Variants in FAT3 observed in about 807,000 individuals in gnomAD.
FAT3 encodes FAT atypical cadherin 3.
In FAT3, 95 loss-of-function variants were observed where a neutral mutation model predicts 310.2. The observed-to-expected ratio is 0.31, with a 90% CI of 0.26 to 0.36. The LOEUF (loss-of-function observed/expected upper bound fraction) is 0.36, where lower values mean the gene tolerates loss of function less well. FAT3 is among the 10% of genes least tolerant of loss of function. The pLI is 1.00. For synonymous variants in FAT3, 2,314 were observed against 2,192.9 expected, an observed-to-expected ratio of 1.06 and a Z score of -1.54; for missense variants, 5,408 against 5,715.6, an observed-to-expected ratio of 0.95 and a Z score of 1.74.
chr11:92,635,099 G>C (rs770159187), intron 3 of FAT3, among the ~76,000 whole-genome samples: 2 of 152,158 alleles, frequency 1.3e-5, no homozygotes, highest in African/African-American at 2.4e-5. Context: ...AGACTATCCA[G>C]TCTGTGGTCT....
At chr11:92,736,500 G>A (rs1412629666) in intron 4 of FAT3, among the ~76,000 whole-genome samples, 1 of 152,116 alleles carries the variant, frequency 6.6e-6, no homozygotes, top group African/African-American at 2.4e-5. Context: ...GGACAGAATT[G>A]TTAAGTAACG....
At chr11:92,426,925 A>G (rs901526319) in intron 2 of FAT3, among the ~76,000 whole-genome samples, 3 of 152,186 alleles carry the variant, frequency 2.0e-5, no homozygotes, top group African/African-American at 7.2e-5. Flanking sequence ...AGTAAATGGT[A>G]GCTTAATGGG....
intron 1 of FAT3, among the ~76,000 whole-genome samples, chr11:92,235,085 A>T (rs1316356534): frequency 1.3e-5 from 2 of 151,952 alleles, no homozygotes; most frequent in Non-Finnish European, 2.9e-5. Context: ...AAAAAAAAAA[A>T]AAATTCTGGA....
chr11:92,468,248 T>C (rs566100888), intron 2 of FAT3, among the ~76,000 whole-genome samples: 40 of 152,292 alleles, frequency 2.6e-4, no homozygotes, highest in Middle Eastern at 3.4e-3. Flanking sequence ...AAAATCACTT[T>C]ATGAAGTAAC....
chr11:92,880,789 A>G lies in FAT3; in HGVS notation c.12186A>G (p.Thr4062=), dbSNP rs1949655639. The G allele has an allele frequency of 6.2e-7, 1 of 1,613,876 alleles. No individual in the cohort carries two copies. Among genetic ancestry groups the G allele is most frequent in the Admixed American group, 1.7e-5 (1 of 60,000 alleles). Residue 4062 remains threonine (T), a synonymous_variant, in exon 23 of 28, where the codon ACA becomes ACG. Coordinates refer to ENST00000525166, the MANE Select transcript of FAT3 (RefSeq NM_001367949.2). ...FTGRNCESEI[T]ACFPNPCRNG... is the part of the protein sequence containing the mutation. The stretch of plus-strand genomic sequence containing the variant: ...GGAGAAACTGTGAATCTGAGATTAC[A>G]GCCTGCTTCCCAAACCCCTGCCGGA...
intron 2 of FAT3, among the ~76,000 whole-genome samples, chr11:92,437,717 G>C (rs189578503): frequency 1.3e-5 from 2 of 152,214 alleles, no homozygotes; most frequent in African/African-American, 2.4e-5. Context: ...GGGAACACTG[G>C]GGGTAATCCA....
At chr11:92,624,345 A>G (rs1030867423) in intron 3 of FAT3, among the ~76,000 whole-genome samples, 1 of 152,262 alleles carries the variant, frequency 6.6e-6, no homozygotes, top group Non-Finnish European at 1.5e-5. Flanking sequence ...TAAAGTTGGA[A>G]CCATGGATTT....
intron 1 of FAT3, among the ~76,000 whole-genome samples, chr11:92,321,591 G>GA (rs1180210443): frequency 5.9e-5 from 9 of 151,268 alleles, no homozygotes; most frequent in East Asian, 5.8e-4. Flanking sequence ...GAGAAAAAAA[G>GA]AAAAAAAAAT....
chr11:92,297,174 A>G (rs1178577423), intron 1 of FAT3, among the ~76,000 whole-genome samples: 1 of 152,114 alleles, frequency 6.6e-6, no homozygotes, highest in African/African-American at 2.4e-5. Flanking sequence ...CTTCTCTTTC[A>G]TGAAGCCCTC....
rs1177698204 is a variant in FAT3, at chr11:92,891,665, A to G, written c.*552A>G. On this transcript the variant is annotated 3_prime_UTR_variant, in exon 28 of 28. Transcript: ENST00000525166. The stretch of plus-strand genomic sequence containing the variant: ...ACTCTATTTTTTTGATAAGCTGCCC[A>G]ATTTTCAGCTATAAAATTAGGCTTG... 6.2e-6 allele frequency: 1 copy of G among 161,004 alleles called. No homozygotes were observed. Among genetic ancestry groups the G allele is most frequent in the Non-Finnish European group, 1.4e-5 (1 of 72,226 alleles). 10.0% of individuals were successfully genotyped at this position (161,004 alleles called of 1,614,324 possible). A position where few individuals can be genotyped will look rare whatever the true frequency, so the allele number is the denominator to read the frequency against.
chr11:92,697,343 C>A (rs2135906371), intron 3 of FAT3, 41 bp from the exon 4 acceptor site: 1 of 1,589,982 alleles, frequency 6.3e-7, no homozygotes, highest in Non-Finnish European at 8.6e-7. Context: ...AAGCTGTTTG[C>A]CCCAGATATT....
intron 4 of FAT3, among the ~76,000 whole-genome samples, chr11:92,749,321 C>G (rs991310430): frequency 6.6e-6 from 1 of 152,216 alleles, no homozygotes; most frequent in Non-Finnish European, 1.5e-5. Flanking sequence ...CACACACACA[C>G]ATACACACAC....
chr11:92,552,961 T>G (rs2846190), intron 3 of FAT3, among the ~76,000 whole-genome samples: 17 of 67,106 alleles, frequency 2.5e-4, no homozygotes, highest in Non-Finnish European at 4.9e-4. Flanking sequence ...CAAAAAAAAA[T>G]AAAAGAAAAG....
chr11:92,557,361 C>A (rs557597974), intron 3 of FAT3, among the ~76,000 whole-genome samples: 2 of 152,224 alleles, frequency 1.3e-5, no homozygotes, highest in South Asian at 4.1e-4. Context: ...GGGCTGATGA[C>A]TTGTAATAAA....
intron 1 of FAT3, among the ~76,000 whole-genome samples, chr11:92,268,048 C>A (rs1289175332): frequency 6.8e-6 from 1 of 147,234 alleles, no homozygotes; most frequent in African/African-American, 2.5e-5. Context: ...TGCCCTAAGT[C>A]CTTCAAAAAA....
chr11:92,459,206 G>A (rs772388524), intron 2 of FAT3, among the ~76,000 whole-genome samples: 4 of 152,144 alleles, frequency 2.6e-5, no homozygotes, highest in South Asian at 2.1e-4. Flanking sequence ...AGCATGGTAC[G>A]ATGGCCACCC....
intron 2 of FAT3, among the ~76,000 whole-genome samples, chr11:92,450,634 T>C (rs1265784262): frequency 1.3e-5 from 2 of 152,164 alleles, no homozygotes; most frequent in African/African-American, 4.8e-5. Flanking sequence ...CATGGGAATT[T>C]GGACCTGTAT....
intron 3 of FAT3, among the ~76,000 whole-genome samples, chr11:92,617,499 C>A (rs1330698930): frequency 6.6e-6 from 1 of 152,206 alleles, no homozygotes; most frequent in Non-Finnish European, 1.5e-5. Context: ...CAAAGTCATT[C>A]TCTGTCCCAC....
At chr11:92,704,990 A>G (rs2135928494) in intron 4 of FAT3, among the ~76,000 whole-genome samples, 1 of 152,294 alleles carries the variant, frequency 6.6e-6, no homozygotes, top group Non-Finnish European at 1.5e-5. Context: ...ATTATCCTCC[A>G]AGTTAAAACT....
Sources: gnomAD v4.1 joint callset for allele counts (sites outside exome capture counted in the v4.1 genomes callset) on GRCh38, gnomAD v4.1.1 for gene constraint, MANE v1.5 for transcripts, NCBI Gene and HGNC (gene_info 2026-07-23, HGNC 2026-07-21) for gene names.